The following LINGO2 variants were observed in gnomAD, a reference collection of about 807,000 sequenced individuals.
The protein encoded by LINGO2 is leucine-rich repeat and immunoglobulin-like domain-containing nogo receptor-interacting protein 2.
In LINGO2, 14 loss-of-function variants were observed where a neutral mutation model predicts 30.6. The observed-to-expected ratio is 0.46, with a 90% CI of 0.30 to 0.72. The LOEUF (loss-of-function observed/expected upper bound fraction) is 0.72, where lower values mean the gene tolerates loss of function less well. Ranked by LOEUF, LINGO2 falls within the 30% of genes least tolerant of loss-of-function variation. LINGO2 has a pLI of 0.07. For missense variants in LINGO2, 729 were observed against 751.7 expected (o/e 0.97, Z 0.35); for synonymous variants, 317 against 288.5 (o/e 1.10, Z -1.00).
At chr9:28,036,345 G>T (rs1823933937) in intron 4 of LINGO2, among the ~76,000 whole-genome samples, 1 of 152,118 alleles carries the variant, frequency 6.6e-6, no homozygotes, top group Non-Finnish European at 1.5e-5. Context: ...GCACATCATG[G>T]GAAAGGAGAG....
chr9:28,057,519 G>A (rs904059740), intron 4 of LINGO2, among the ~76,000 whole-genome samples: 1 of 99,894 alleles, frequency 1.0e-5, no homozygotes, highest in African/African-American at 3.6e-5. Context: ...GCATATATGT[G>A]TGTATATATA....
intron 3 of LINGO2, among the ~76,000 whole-genome samples, chr9:28,324,469 T>C (rs1294317546): frequency 2.6e-5 from 4 of 152,094 alleles, no homozygotes; most frequent in South Asian, 2.1e-4. Flanking sequence ...ATAGGATGAA[T>C]AGGAAGTTGG....
At chr9:28,644,456 T>G (rs1827741597) in intron 1 of LINGO2, among the ~76,000 whole-genome samples, 1 of 151,978 alleles carries the variant, frequency 6.6e-6, no homozygotes, top group South Asian at 2.1e-4. Flanking sequence ...TTCACTTATT[T>G]GTGAAATTTA....
the LINGO2 span, among the ~76,000 whole-genome samples, chr9:28,735,040 A>G: frequency 3.3e-5 from 5 of 152,120 alleles, no homozygotes; most frequent in African/African-American, 1.2e-4. Flanking sequence ...GGCTGGTTAC[A>G]GTTTTTTGTA....
chr9:28,536,015 A>C (rs754817228), intron 1 of LINGO2, among the ~76,000 whole-genome samples: 1 of 152,098 alleles, frequency 6.6e-6, no homozygotes, highest in Non-Finnish European at 1.5e-5. Flanking sequence ...GTTTTATTTT[A>C]TTATTTTTGT....
At chr9:28,309,842 G>A (rs943767940) in intron 3 of LINGO2, among the ~76,000 whole-genome samples, 2 of 151,592 alleles carry the variant, frequency 1.3e-5, no homozygotes, top group Admixed American at 6.6e-5. Flanking sequence ...TAAAAAAAAA[G>A]GTAAAAGAGT....
chr9:28,700,742 G>A, the LINGO2 span, among the ~76,000 whole-genome samples: 1 of 152,006 alleles, frequency 6.6e-6, no homozygotes, highest in African/African-American at 2.4e-5. Context: ...TTTCCAAAGT[G>A]GCTGTACCAC....
chr9:28,376,211 A>G (rs1348325532), intron 2 of LINGO2, among the ~76,000 whole-genome samples: 1 of 151,836 alleles, frequency 6.6e-6, no homozygotes, highest in Non-Finnish European at 1.5e-5. Context: ...TATGTTCATT[A>G]GGGTACTGGC....
intron 4 of LINGO2, among the ~76,000 whole-genome samples, chr9:28,120,941 C>T (rs543810912): frequency 6.6e-6 from 1 of 152,062 alleles, no homozygotes; most frequent in Non-Finnish European, 1.5e-5. Flanking sequence ...AACAACAAAA[C>T]AAAAAGACAA....
chr9:28,791,370 T>G, the LINGO2 span, among the ~76,000 whole-genome samples: 1 of 152,104 alleles, frequency 6.6e-6, no homozygotes, highest in Non-Finnish European at 1.5e-5. Context: ...CATTCTGTGC[T>G]AGACCTTTTA....
intron 4 of LINGO2, among the ~76,000 whole-genome samples, chr9:28,221,784 A>G (rs1465912075): frequency 6.6e-6 from 1 of 152,186 alleles, no homozygotes; most frequent in Non-Finnish European, 1.5e-5. Flanking sequence ...CATTACCTCA[A>G]TTTCATCTCA....
intron 2 of LINGO2, among the ~76,000 whole-genome samples, chr9:28,464,957 G>A (rs575286251): frequency 6.6e-6 from 1 of 152,334 alleles, no homozygotes; most frequent in Non-Finnish European, 1.5e-5. Context: ...AACCCTTGTG[G>A]GAGTAGGAGC....
chr9:27,950,250 A>G (rs1563847697), exon 6 of LINGO2: 1 of 1,614,016 alleles, frequency 6.2e-7, no homozygotes, highest in Non-Finnish European at 8.5e-7. Context: ...TAAAATGACA[A>G]TCTTATTCTC....
At chr9:27,955,002 T>C (rs1053468249) in intron 5 of LINGO2, among the ~76,000 whole-genome samples, 1 of 152,218 alleles carries the variant, frequency 6.6e-6, no homozygotes, top group Non-Finnish European at 1.5e-5. Flanking sequence ...TGATGATTAC[T>C]GACGTTGAGC....
At chr9:27,951,582 G>A (rs1164500318) in intron 5 of LINGO2, among the ~76,000 whole-genome samples, 1 of 152,060 alleles carries the variant, frequency 6.6e-6, no homozygotes, top group African/African-American at 2.4e-5. Flanking sequence ...AAATTAAATA[G>A]GTAGCAAATG....
the LINGO2 span, among the ~76,000 whole-genome samples, chr9:29,182,212 T>G: frequency 6.6e-6 from 1 of 152,148 alleles, no homozygotes; most frequent in Non-Finnish European, 1.5e-5. Context: ...ATGATTCCAT[T>G]TACAAAACAT....
intron 4 of LINGO2, among the ~76,000 whole-genome samples, chr9:28,069,358 A>T (rs948168519): frequency 6.6e-6 from 1 of 152,188 alleles, no homozygotes; most frequent in Non-Finnish European, 1.5e-5. Flanking sequence ...CTCCAAGCAT[A>T]GACATACTAT....
chr9:28,759,172 ACT>A, the LINGO2 span, among the ~76,000 whole-genome samples: 3 of 151,642 alleles, frequency 2.0e-5, no homozygotes, highest in African/African-American at 7.3e-5. Flanking sequence ...TAGAGGAGAG[ACT>A]CTATGAGTGT....
the LINGO2 span, among the ~76,000 whole-genome samples, chr9:29,087,135 C>A: frequency 1.3e-5 from 2 of 152,122 alleles, no homozygotes; most frequent in African/African-American, 4.8e-5. Flanking sequence ...CCCTGGCCTA[C>A]CAATGTGCTG....
Sources: allele counts gnomAD v4.1 joint callset (sites outside exome capture counted in the v4.1 genomes callset), GRCh38; gene constraint gnomAD v4.1.1; transcripts MANE v1.5; gene names NCBI Gene and HGNC (gene_info 2026-07-23, HGNC 2026-07-21).